The following GRIN2A variants were observed in gnomAD, a reference collection of about 807,000 sequenced individuals.
GRIN2A encodes glutamate receptor ionotropic, NMDA 2A.
Under a neutral mutation model 113.4 loss-of-function variants are expected in GRIN2A, and 22 were observed. The observed-to-expected ratio is 0.19, with a 90% CI of 0.14 to 0.28. GRIN2A has a LOEUF of 0.28. GRIN2A is among the 10% of genes least tolerant of loss of function. The pLI, the probability that GRIN2A is intolerant of heterozygous loss-of-function variation, is 1.00. For synonymous variants in GRIN2A, 827 were observed against 738.4 expected (o/e 1.12, Z -1.94); for missense variants, 1,502 against 1,887.0 (o/e 0.80, Z 3.78).
intron 2 of GRIN2A, among the ~76,000 whole-genome samples, chr16:10,175,576 T>A (rs1463568327): frequency 6.6e-6 from 1 of 152,252 alleles, no homozygotes; most frequent in East Asian, 1.9e-4. Context: ...ATTATTTTTA[T>A]ATGTCTGCGG....
At chr16:9,847,374 T>C (rs1205856071) in intron 5 of GRIN2A, among the ~76,000 whole-genome samples, 2 of 151,794 alleles carry the variant, frequency 1.3e-5, no homozygotes, top group Non-Finnish European at 2.9e-5. Flanking sequence ...CTGAGTAACA[T>C]AGCAAGACTC....
chr16:9,760,742 C>T lies in GRIN2A; in HGVS notation c.*2407G>A. The stretch of plus-strand genomic sequence containing the variant: ...GACACCAGAGGAAGACAGAAAGCCT[C>T]TTTGGCTTGACGACAAATCACTCTT... On this transcript the variant is annotated 3_prime_UTR_variant, in exon 13 of 13. Transcript: ENST00000330684. 4.4e-6 allele frequency: 1 copy of T among 229,144 alleles called. No individual in the cohort carries two copies. Among genetic ancestry groups the T allele is most frequent in the Middle Eastern group, 1.3e-3 (1 of 768 alleles). The allele number at this position is 229,144 out of a possible 1,614,324, so 14.2% of individuals were successfully genotyped here. A position where few individuals can be genotyped will look rare whatever the true frequency, so the allele number is the denominator to read the frequency against.
At position 9,936,289 on chromosome 16, in the gene GRIN2A, C is replaced by G. The variant is rs141371903; in HGVS notation, c.1007+1670G>C. Among the ~76,000 whole-genome samples the G allele has an allele frequency of 3.9e-3, 591 of 152,268 alleles. 2 individuals carry two copies. Among genetic ancestry groups the G allele is most frequent in the African/African-American group, 0.013 (551 of 41,556 alleles). ...GTAATTTGTGTCTTAACAAGTCCTC[C>G]CAGAGATTCTGATGCCTGCTGAGGC... On this transcript the variant is annotated intron_variant, in intron 3 of 12. Coordinates refer to ENST00000330684, the MANE Select transcript of GRIN2A (RefSeq NM_001134407.3).
chr16:10,131,379 C>T (rs1222668118), intron 2 of GRIN2A, among the ~76,000 whole-genome samples: 4 of 151,908 alleles, frequency 2.6e-5, no homozygotes, highest in African/African-American at 7.3e-5. Context: ...CAAACCAACT[C>T]GGGGGGAAAT....
chr16:9,995,537 G>C (rs951509334), intron 2 of GRIN2A, among the ~76,000 whole-genome samples: 1 of 152,128 alleles, frequency 6.6e-6, no homozygotes, highest in African/African-American at 2.4e-5. Context: ...CAACTTCCAA[G>C]GAGGGCTTGG....
At chr16:9,773,437 G>C (rs1567286273) in intron 11 of GRIN2A, among the ~76,000 whole-genome samples, 1 of 152,184 alleles carries the variant, frequency 6.6e-6, no homozygotes, top group Non-Finnish European at 1.5e-5. Flanking sequence ...TTAAAAAGAG[G>C]CCGTGATCTT....
chr16:9,992,490 A>G (rs556684111), intron 2 of GRIN2A, among the ~76,000 whole-genome samples: 1 of 152,322 alleles, frequency 6.6e-6, no homozygotes, highest in East Asian at 1.9e-4. Flanking sequence ...ACAGGCCAAT[A>G]TATTTCTCAG....
intron 2 of GRIN2A, among the ~76,000 whole-genome samples, chr16:10,030,540 T>C (rs998726992): frequency 6.6e-6 from 1 of 152,202 alleles, no homozygotes; most frequent in Non-Finnish European, 1.5e-5. Flanking sequence ...AACCCACATA[T>C]CCTGGAAAGG....
chr16:9,856,987 C>T (rs1310273341), intron 4 of GRIN2A, among the ~76,000 whole-genome samples: 2 of 152,156 alleles, frequency 1.3e-5, no homozygotes, highest in African/African-American at 4.8e-5. Context: ...TCTAATAGTA[C>T]ATATCCTTAA....
intron 3 of GRIN2A, among the ~76,000 whole-genome samples, chr16:9,900,258 A>G (rs1244387960): frequency 6.6e-6 from 1 of 152,158 alleles, no homozygotes; most frequent in East Asian, 1.9e-4. Context: ...TCTAGGCCCT[A>G]CCCCAAGGAG....
chr16:10,080,688 G>A (rs1002765614), intron 2 of GRIN2A, among the ~76,000 whole-genome samples: 4 of 152,142 alleles, frequency 2.6e-5, no homozygotes, highest in East Asian at 1.9e-4. Context: ...ACAGATGAGC[G>A]CTACTTAAAG....
chr16:10,010,959 G>A (rs1392222983), intron 2 of GRIN2A, among the ~76,000 whole-genome samples: 1 of 152,090 alleles, frequency 6.6e-6, no homozygotes, highest in Non-Finnish European at 1.5e-5. Flanking sequence ...TGTGCTAAAC[G>A]TTCAGGCTTG....
At chr16:9,859,418 C>A (rs999061601) in intron 4 of GRIN2A, among the ~76,000 whole-genome samples, 2 of 152,040 alleles carry the variant, frequency 1.3e-5, no homozygotes, top group African/African-American at 4.8e-5. Flanking sequence ...TCAAGCAATA[C>A]CATCAGTACA....
At chr16:9,962,998 A>C (rs2141709446) in intron 2 of GRIN2A, among the ~76,000 whole-genome samples, 1 of 151,488 alleles carries the variant, frequency 6.6e-6, no homozygotes, top group African/African-American at 2.4e-5. Context: ...GGAAACCATC[A>C]CTCTCAGCAA....
chr16:9,950,550 G>T (rs1026462067), intron 2 of GRIN2A, among the ~76,000 whole-genome samples: 1 of 152,126 alleles, frequency 6.6e-6, no homozygotes, highest in Non-Finnish European at 1.5e-5. Context: ...CTCTCACTTT[G>T]CAGAGCCCTA....
At chr16:10,013,138 C>T (rs2141873976) in intron 2 of GRIN2A, among the ~76,000 whole-genome samples, 1 of 152,212 alleles carries the variant, frequency 6.6e-6, no homozygotes, top group South Asian at 2.1e-4. Flanking sequence ...CGCATGTACC[C>T]CCAAACCTAA....
At chr16:9,836,832 T>C (rs1166706234) in intron 7 of GRIN2A, among the ~76,000 whole-genome samples, 1 of 152,160 alleles carries the variant, frequency 6.6e-6, no homozygotes, top group Non-Finnish European at 1.5e-5. Flanking sequence ...TTAAAACAGA[T>C]TCAACATTTG....
intron 10 of GRIN2A, among the ~76,000 whole-genome samples, chr16:9,814,040 C>A (rs1197648237): frequency 6.6e-6 from 1 of 152,108 alleles, no homozygotes; most frequent in Non-Finnish European, 1.5e-5. Context: ...CAGTGACAAC[C>A]CTTATACTCT....
At chr16:10,160,618 C>G (rs1306998478) in intron 2 of GRIN2A, among the ~76,000 whole-genome samples, 1 of 152,206 alleles carries the variant, frequency 6.6e-6, no homozygotes, top group African/African-American at 2.4e-5. Flanking sequence ...GAGACTTTCC[C>G]ACATTCAGCG....
Sources: allele counts gnomAD v4.1 joint callset (sites outside exome capture counted in the v4.1 genomes callset), GRCh38; gene constraint gnomAD v4.1.1; transcripts MANE v1.5; gene names NCBI Gene and HGNC (gene_info 2026-07-23, HGNC 2026-07-21).